Variants in BTF3L4 observed in about 807,000 individuals in gnomAD.
The protein encoded by BTF3L4 is transcription factor BTF3 homolog 4.
Under a neutral mutation model 16.8 loss-of-function variants are expected in BTF3L4, and 6 were observed. The ratio of observed to expected loss-of-function variants is 0.36; its 90% CI spans 0.20 to 0.71. BTF3L4 has a LOEUF of 0.71. Ranked by LOEUF, BTF3L4 falls within the 30% of genes least tolerant of loss-of-function variation. The probability of loss-of-function intolerance (pLI) is 0.58; values close to 1 mark genes in which losing one functional copy is unlikely to be tolerated. For missense variants in BTF3L4, 92 were observed against 186.9 expected (o/e 0.49, Z 2.96); for synonymous variants, 39 against 59.8 (o/e 0.65, Z 1.60).
chr1:52,073,956 C>G (rs1686864502), intron 3 of BTF3L4, among the ~76,000 whole-genome samples: 1 of 151,958 alleles, frequency 6.6e-6, no homozygotes, highest in Non-Finnish European at 1.5e-5. Context: ...GAGATCGTGT[C>G]ACTGCACTGC....
chr1:52,076,616 G>A (rs1210671859), intron 3 of BTF3L4, among the ~76,000 whole-genome samples: 1 of 151,466 alleles, frequency 6.6e-6, no homozygotes, highest in Non-Finnish European at 1.5e-5. Flanking sequence ...AAAAATTCCT[G>A]TCTTGTCAGA....
At chr1:52,063,681 G>GT (rs1686575271) in intron 2 of BTF3L4, among the ~76,000 whole-genome samples, 1 of 152,168 alleles carries the variant, frequency 6.6e-6, no homozygotes, top group African/African-American at 2.4e-5. Flanking sequence ...GAGTTTCACA[G>GT]TATCAATTTA....
chr1:52,070,633 CTTTTT>C (rs35272382), intron 3 of BTF3L4, among the ~76,000 whole-genome samples: 5 of 101,670 alleles, frequency 4.9e-5, no homozygotes, highest in Admixed American at 1.2e-4. Flanking sequence ...AAATAACCAG[CTTTTT>C]TTTTTTTTTT....
At chr1:52,062,621 T>C (rs1686544414) in intron 2 of BTF3L4, among the ~76,000 whole-genome samples, 1 of 152,186 alleles carries the variant, frequency 6.6e-6, no homozygotes, top group African/African-American at 2.4e-5. Context: ...TTTTATCCTA[T>C]AGGCAGTGGG....
chr1:52,086,537 ATAAT>A (rs1181992376), intron 5 of BTF3L4, 171 bp from the exon 6 acceptor site: 1 of 530,532 alleles, frequency 1.9e-6, no homozygotes, highest in Non-Finnish European at 3.4e-6. Context: ...TCCTAAGCAA[ATAAT>A]TAAATCATTG....
At chr1:52,073,281 T>C (rs1332494063) in intron 3 of BTF3L4, among the ~76,000 whole-genome samples, 1 of 151,642 alleles carries the variant, frequency 6.6e-6, no homozygotes, top group Non-Finnish European at 1.5e-5. Context: ...TGAAACTCCG[T>C]CTCAAAAAAA....
chr1:52,083,600 T>C, intron 4 of BTF3L4, 59 bp downstream of exon 4: 1 of 1,324,308 alleles, frequency 7.6e-7, no homozygotes, highest in Non-Finnish European at 1.1e-6. Flanking sequence ...AACCTAATCA[T>C]TTAAAAGGTG....
At chr1:52,059,763 G>A in intron 1 of BTF3L4, 72 bp from the exon 2 acceptor site, 2 of 1,292,164 alleles carry the variant, frequency 1.5e-6, no homozygotes, top group Non-Finnish European at 2.2e-6. Flanking sequence ...GAACCAGAAG[G>A]TACTGTTGCA....
At chr1:52,085,500 TG>T (rs1643963946) in intron 4 of BTF3L4, among the ~76,000 whole-genome samples, 1 of 152,122 alleles carries the variant, frequency 6.6e-6, no homozygotes, top group Non-Finnish European at 1.5e-5. Context: ...TTGGAGAATA[TG>T]GCCACTGTAA....
In BTF3L4 at chr1:52,088,913, A is replaced by ATTT. The variant is rs3991108; in HGVS notation, c.*2171_*2173dup. 0.04 allele frequency: 5,161 copies of ATTT among 128,530 alleles called. 123 individuals are homozygous for ATTT. The highest frequency in any genetic ancestry group is 0.054 in the Non-Finnish European group (3,254 of 60,440). 8.0% of individuals were successfully genotyped at this position (128,530 alleles called of 1,614,324 possible). On this transcript the variant is annotated 3_prime_UTR_variant, in exon 6 of 6. Coordinates refer to ENST00000313334, the MANE Select transcript of BTF3L4 (RefSeq NM_152265.5). ...TGTCTCAGCCTCCACAGTAGCTGGG[A>ATTT]TTTTTTTTTTTTTTTTTTGTATTTT...
intron 3 of BTF3L4, among the ~76,000 whole-genome samples, chr1:52,071,515 T>C (rs1000614527): frequency 4.6e-5 from 7 of 152,252 alleles, no homozygotes; most frequent in Admixed American, 3.3e-4. Flanking sequence ...GTTTATAGCA[T>C]GCTGATTCTC....
intron 3 of BTF3L4, among the ~76,000 whole-genome samples, chr1:52,070,976 T>TA (rs1028073185): frequency 1.3e-5 from 2 of 152,122 alleles, no homozygotes; most frequent in Non-Finnish European, 2.9e-5. Flanking sequence ...TAGGCAGACT[T>TA]ACAGAGTATC....
chr1:52,080,768 A>G (rs1286486565), intron 3 of BTF3L4, among the ~76,000 whole-genome samples: 1 of 151,124 alleles, frequency 6.6e-6, no homozygotes, highest in Non-Finnish European at 1.5e-5. Flanking sequence ...TCCTGATCTC[A>G]GGCAGTCCAC....
At chr1:52,085,013 C>CTTTTTTTTT (rs764763479) in intron 4 of BTF3L4, among the ~76,000 whole-genome samples, 2 of 58,514 alleles carry the variant, frequency 3.4e-5, no homozygotes, top group African/African-American at 6.8e-5. Flanking sequence ...TGAAAAAAAT[C>CTTTTTTTTT]TTTTTTTTTT....
intron 3 of BTF3L4, among the ~76,000 whole-genome samples, chr1:52,074,491 G>A (rs1300602218): frequency 2.6e-5 from 4 of 152,126 alleles, no homozygotes; most frequent in Middle Eastern, 3.4e-3. Context: ...AGCCTCCCGA[G>A]TAGCTGGGAC....
chr1:52,085,101 A>T (rs949693144), intron 4 of BTF3L4, among the ~76,000 whole-genome samples: 4 of 136,006 alleles, frequency 2.9e-5, no homozygotes, highest in Non-Finnish European at 6.1e-5. Context: ...GCTCACTGCA[A>T]CCTCCACCTG....
intron 3 of BTF3L4, among the ~76,000 whole-genome samples, chr1:52,069,565 TGTGAACTCAG>T (rs1405453823): frequency 1.3e-5 from 2 of 152,190 alleles, no homozygotes; most frequent in Non-Finnish European, 2.9e-5. Flanking sequence ...TGTTACAAAG[TGTGAACTCAG>T]GAATATGCTG....
chr1:52,086,278 T>A, intron 5 of BTF3L4, 107 bp downstream of exon 5: 2 of 783,808 alleles, frequency 2.6e-6, no homozygotes, highest in Non-Finnish European at 4.0e-6. Context: ...CTCATGAATT[T>A]AAATTGATTC....
In BTF3L4 at chr1:52,089,646, TG is replaced by T. The variant is rs1462608582; in HGVS notation, c.*2889del. 1 of 152,226 alleles carries T rather than the reference TG, an allele frequency of 6.6e-6. No homozygotes were observed. The highest frequency in any genetic ancestry group is 2.4e-5 in the African/African-American group (1 of 41,470). The allele number at this position is 152,226 out of a possible 1,614,324, so 9.4% of individuals were successfully genotyped here. On this transcript the variant is annotated 3_prime_UTR_variant, in exon 6 of 6. Transcript: ENST00000313334. ...ATTTTGGGATAATTCAAGAAATGTCTGCAGAAAATTGATTTATGATCTTAAT... is the reference window on the plus strand; with the variant it reads ...ATTTTGGGATAATTCAAGAAATGTCTCAGAAAATTGATTTATGATCTTAAT...
Sources: gnomAD v4.1 joint callset for allele counts (sites outside exome capture counted in the v4.1 genomes callset) on GRCh38, gnomAD v4.1.1 for gene constraint, MANE v1.5 for transcripts, NCBI Gene and HGNC (gene_info 2026-07-23, HGNC 2026-07-21) for gene names.